The following DUSP11 variants were observed in gnomAD, a reference collection of about 807,000 sequenced individuals.
DUSP11 encodes RNA/RNP complex-1-interacting phosphatase.
In DUSP11, 27 loss-of-function variants were observed where a neutral mutation model predicts 41.4. The observed-to-expected ratio is 0.65, with a 90% CI of 0.48 to 0.90. The LOEUF is 0.90. DUSP11 is among the 40% of genes least tolerant of loss of function. DUSP11 has a pLI of 0.00. For missense variants in DUSP11, 465 were observed against 461.1 expected (o/e 1.01, Z -0.08); for synonymous variants, 188 against 159.3 (o/e 1.18, Z -1.35).
intron 5 of DUSP11, chr2:73,767,506 CTAAAAA>C (rs376216318): frequency 7.0e-4 from 164 of 235,032 alleles, no homozygotes; most frequent in African/African-American, 3.6e-3. Flanking sequence ...GCTTTATACA[CTAAAAA>C]TAGAGACTTC....
intron 4 of DUSP11, among the ~76,000 whole-genome samples, chr2:73,770,907 C>T (rs1388709920): frequency 1.3e-5 from 2 of 152,214 alleles, no homozygotes; most frequent in Non-Finnish European, 2.9e-5. Context: ...TAACATTCCT[C>T]AAACATGCCT....
chr2:73,770,992 G>A (rs1199219886), intron 4 of DUSP11, among the ~76,000 whole-genome samples: 4 of 152,064 alleles, frequency 2.6e-5, no homozygotes, highest in African/African-American at 9.7e-5. Flanking sequence ...GACACCCAAT[G>A]GCTTGGTTCA....
rs957897798 is a variant in DUSP11 at position 73,779,991 on chromosome 2, C to G, written c.125G>C (p.Arg42Pro). 6.2e-7 allele frequency: 1 copy of G among 1,614,118 alleles called. No homozygotes were observed. The highest frequency in any genetic ancestry group is 1.7e-5 in the Admixed American group (1 of 60,008). Residue 42 changes from arginine (R) to proline (P), a missense_variant, in exon 1 of 9, where the codon CGG (arginine) becomes CCG (proline). Arg to Pro is a moderately radical substitution (Grantham distance 103). Coordinates refer to ENST00000272444, the Ensembl canonical transcript of DUSP11. ...CTGGCTCATGTGGGTCCCAAGAAGC[C>G]GCCCACCCAATGCCAAGTCGGCCAA...
In DUSP11 at chr2:73,773,653, T is replaced by C. The variant is rs1672626324; in HGVS notation, c.574+147A>G. The C allele has an allele frequency of 1.1e-5, 9 of 798,714 alleles. No individual in the cohort carries two copies. The South Asian group carries it at 1.5e-4, about 14-fold the overall frequency. 49.5% of individuals were successfully genotyped at this position (798,714 alleles called of 1,614,324 possible). A position where few individuals can be genotyped will look rare whatever the true frequency, so the allele number is the denominator to read the frequency against. ...TTTGTGATCAACAAAAGGAAAAACATCTTACCCTATTAGCACCATCTGACA... is the reference window on the plus strand; with the variant it reads ...TTTGTGATCAACAAAAGGAAAAACACCTTACCCTATTAGCACCATCTGACA... On this transcript the variant is annotated intron_variant, in intron 4 of 8. Coordinates refer to ENST00000272444, the Ensembl canonical transcript of DUSP11.
intron 2 of DUSP11, 123 bp from the exon 3 acceptor site, chr2:73,775,167 G>C: frequency 1.2e-6 from 1 of 808,486 alleles, no homozygotes; most frequent in South Asian, 2.2e-5. Flanking sequence ...CATTCTCCTG[G>C]AACATAGAAG....
rs554489801 is a variant in DUSP11, at chr2:73,780,082, C to A, written c.34G>T (p.Gly12Cys). The A allele has an allele frequency of 2.7e-4, 426 of 1,581,286 alleles. No individual in the cohort carries two copies. The highest frequency in any genetic ancestry group is 3.4e-4 in the Non-Finnish European group (401 of 1,162,534). ...AAACAGGAAAAGACTCGGCAGCCAC[C>A]TACGCCGCGCTCCAGCGTCTCGCTA... Residue 12 changes from glycine to cysteine, a missense_variant, in exon 1 of 9, where the codon GGT becomes TGT. Physicochemically the swap from Gly to Cys is radical, Grantham distance 159. The change creates a new upstream start codon in the 5' untranslated region. Transcript: ENST00000272444.
intron 5 of DUSP11, chr2:73,768,961 A>G (rs1268103225): frequency 5.3e-6 from 1 of 188,728 alleles, no homozygotes; most frequent in African/African-American, 2.4e-5. Context: ...GTCTCAATAA[A>G]AAAAAAAAAA....
At chr2:73,767,134 A>G (rs755515518) in intron 6 of DUSP11, 27 bp downstream of exon 6, 4 of 1,588,196 alleles carry the variant, frequency 2.5e-6, no homozygotes, top group Non-Finnish European at 3.4e-6. Flanking sequence ...AATAAAAGGG[A>G]AAAATAGTGT....
rs538861797 is a variant in DUSP11, at chr2:73,762,563, A to T, written c.*98T>A. 5.7e-5 allele frequency: 51 copies of T among 892,130 alleles called. No individual in the cohort carries two copies. The South Asian group carries it at 1.1e-3, about 19-fold the overall frequency. 55.3% of individuals were successfully genotyped at this position (892,130 alleles called of 1,614,324 possible). A position where few individuals can be genotyped will look rare whatever the true frequency, so the allele number is the denominator to read the frequency against. On this transcript the variant is annotated 3_prime_UTR_variant, in exon 9 of 9. Transcript: ENST00000272444. ...CTTAAGCTTGAATACATAAGGGAAC[A>T]ATAAAGAAACCTGATTAGACCTGAA...
intron 8 of DUSP11, among the ~76,000 whole-genome samples, chr2:73,764,784 T>C (rs745524423): frequency 6.6e-6 from 1 of 152,118 alleles, no homozygotes; most frequent in African/African-American, 2.4e-5. Context: ...CTGGCCAACA[T>C]GGTGAAACCC....
At chr2:73,765,204 G>A (rs193009389) in intron 8 of DUSP11, among the ~76,000 whole-genome samples, 12 of 152,202 alleles carry the variant, frequency 7.9e-5, no homozygotes, top group Admixed American at 5.2e-4. Context: ...ATAGGCTGGG[G>A]GCCTGGATAC....
At chr2:73,778,647 G>T (rs1438195231) in intron 1 of DUSP11, among the ~76,000 whole-genome samples, 1 of 152,136 alleles carries the variant, frequency 6.6e-6, no homozygotes, top group Non-Finnish European at 1.5e-5. Flanking sequence ...CAGAACTTCT[G>T]TATCCCTGTT....
Position 73,778,593 on chromosome 2 carries a change from C to T in DUSP11, c.243-217G>A, listed in dbSNP as rs994899036. On this transcript the variant is annotated intron_variant, in intron 1 of 8. Coordinates refer to ENST00000272444, the Ensembl canonical transcript of DUSP11. The stretch of plus-strand genomic sequence containing the variant: ...TCATAAAAACGAACACAAGCCAACA[C>T]AACAGTACAACTCAAATAAGGCCTA... Among the ~76,000 whole-genome samples the T allele has an allele frequency of 2.6e-5, 4 of 152,146 alleles. No individual in the cohort carries two copies. The East Asian group carries it at 7.7e-4, about 29-fold the overall frequency.
chr2:73,771,094 T>C (rs1331602510), intron 4 of DUSP11, among the ~76,000 whole-genome samples: 1 of 152,226 alleles, frequency 6.6e-6, no homozygotes, highest in African/African-American at 2.4e-5. Flanking sequence ...TCATGTTTTG[T>C]TATTCTCCAA....
At chr2:73,776,649 A>G (rs1475398837) in intron 2 of DUSP11, among the ~76,000 whole-genome samples, 1 of 152,152 alleles carries the variant, frequency 6.6e-6, no homozygotes, top group Non-Finnish European at 1.5e-5. Context: ...ATTCTATGTT[A>G]TGCATTGTAT....
exon 3 of DUSP11, chr2:73,774,981 G>C (rs754705080): frequency 6.2e-7 from 1 of 1,611,632 alleles, no homozygotes; most frequent in African/African-American, 1.3e-5. Flanking sequence ...TTTTGTTCTC[G>C]GATTTTGTTA....
chr2:73,766,309 C>CAAA (rs34279043), intron 8 of DUSP11, 109 bp downstream of exon 8: 104 of 837,522 alleles, frequency 1.2e-4, no homozygotes, highest in South Asian at 2.7e-4. Flanking sequence ...ACTCTGTCTC[C>CAAA]AAAAAAAAAA....
At position 73,770,253 on chromosome 2, in the gene DUSP11, G is replaced by A. The variant is rs373701239; in HGVS notation, c.575-928C>T. 9.2e-5 allele frequency among the ~76,000 whole-genome samples: 14 copies of A among 151,726 alleles called. 1 individual carries two copies. The South Asian group carries it at 1.9e-3, about 20-fold the overall frequency. ...CACTCTGCCGGGCATGGTGGCTCAC[G>A]CCTGTAATCCCAGCCCTTTGGGAGG... is the stretch of plus-strand genomic sequence containing the variant. On this transcript the variant is annotated intron_variant, in intron 4 of 8. Coordinates refer to ENST00000272444, the Ensembl canonical transcript of DUSP11.
chr2:73,776,873 T>C (rs1336482145), intron 2 of DUSP11, among the ~76,000 whole-genome samples: 2 of 152,232 alleles, frequency 1.3e-5, no homozygotes, highest in Non-Finnish European at 2.9e-5. Flanking sequence ...TTGTGAAATG[T>C]GTTAATATAC....
Sources: gnomAD v4.1 joint callset for allele counts (sites outside exome capture counted in the v4.1 genomes callset) on GRCh38, gnomAD v4.1.1 for gene constraint, MANE v1.5 for transcripts, NCBI Gene and HGNC (gene_info 2026-07-23, HGNC 2026-07-21) for gene names.